IL1RAPL2: variants seen among roughly 807,000 people sequenced by gnomAD.
IL1RAPL2 encodes interleukin 1 receptor accessory protein like 2.
Under a neutral mutation model 44.1 loss-of-function variants are expected in IL1RAPL2, and 3 were observed. That is an observed-to-expected ratio of 0.07 (90% CI 0.03 to 0.18). The LOEUF (loss-of-function observed/expected upper bound fraction) is 0.18, where lower values mean the gene tolerates loss of function less well. Among genes scored for constraint, IL1RAPL2 ranks in the 10% least tolerant of loss-of-function variants. The pLI is 1.00. For missense variants in IL1RAPL2, 391 were observed against 496.4 expected (o/e 0.79, Z 2.02); for synonymous variants, 181 against 178.8 (o/e 1.01, Z -0.10).
chrX:104,793,193 T>C (rs903340565), intron 2 of IL1RAPL2, among the ~76,000 whole-genome samples: 1 of 112,146 alleles, frequency 8.9e-6, no homozygotes, highest in Non-Finnish European at 1.9e-5. Context: ...TTTTCATATT[T>C]CAATTTGATT....
intron 2 of IL1RAPL2, among the ~76,000 whole-genome samples, chrX:104,922,201 T>C (rs1465475885): frequency 8.9e-6 from 1 of 112,275 alleles, no homozygotes; most frequent in Non-Finnish European, 1.9e-5. Flanking sequence ...ACCCTAGTAC[T>C]TCCCCCATCA....
At chrX:104,790,635 T>C (rs762724025) in intron 2 of IL1RAPL2, among the ~76,000 whole-genome samples, 1 of 110,834 alleles carries the variant, frequency 9.0e-6, no homozygotes, top group Non-Finnish European at 1.9e-5. Flanking sequence ...AAAAGTAATA[T>C]GTGTTCACTC....
intron 2 of IL1RAPL2, among the ~76,000 whole-genome samples, chrX:104,827,713 A>T (rs1197147728): frequency 8.9e-6 from 1 of 111,897 alleles, no homozygotes; most frequent in East Asian, 2.8e-4. Context: ...AATATCCTGA[A>T]GTGTGTTTTC....
chrX:105,023,546 G>T (rs754725660), intron 2 of IL1RAPL2, among the ~76,000 whole-genome samples: 7 of 111,522 alleles, frequency 6.3e-5, no homozygotes, highest in Non-Finnish European at 1.3e-4. Flanking sequence ...ACCTAGAACA[G>T]TGTCCAACAC....
intron 2 of IL1RAPL2, among the ~76,000 whole-genome samples, chrX:105,144,575 A>C (rs1321865698): frequency 1.8e-5 from 2 of 111,232 alleles, no homozygotes; most frequent in Non-Finnish European, 3.8e-5. Context: ...ACTATCACTC[A>C]CCATCTTCTT....
At chrX:105,324,409 G>T (rs1235125832) in intron 5 of IL1RAPL2, among the ~76,000 whole-genome samples, 1 of 111,539 alleles carries the variant, frequency 9.0e-6, no homozygotes, top group African/African-American at 3.3e-5. Flanking sequence ...TCATGGCCCA[G>T]TTTAAATGTC....
At chrX:105,393,850 C>T (rs746609277) in intron 5 of IL1RAPL2, among the ~76,000 whole-genome samples, 1 of 111,905 alleles carries the variant, frequency 8.9e-6, no homozygotes, top group Admixed American at 9.5e-5. Flanking sequence ...ATTTAATGTA[C>T]ATGACTACAC....
chrX:105,150,917 A>G (rs908160799), intron 2 of IL1RAPL2, among the ~76,000 whole-genome samples: 1 of 112,164 alleles, frequency 8.9e-6, no homozygotes, highest in African/African-American at 3.2e-5. Flanking sequence ...TTTGTGGAGA[A>G]ATAGAGGAAA....
intron 2 of IL1RAPL2, among the ~76,000 whole-genome samples, chrX:104,764,397 T>C (rs749574646): frequency 1.8e-5 from 2 of 112,416 alleles, no homozygotes; most frequent in East Asian, 2.8e-4. Flanking sequence ...TTTTTGTATA[T>C]TGATTTTGTA....
chrX:105,004,098 A>G (rs1466113418), intron 2 of IL1RAPL2, among the ~76,000 whole-genome samples: 3 of 110,903 alleles, frequency 2.7e-5, no homozygotes, highest in Non-Finnish European at 5.7e-5. Context: ...AGATGTTTAT[A>G]GTTCCAGATC....
chrX:105,391,125 C>T (rs993481867), intron 5 of IL1RAPL2, among the ~76,000 whole-genome samples: 39 of 111,427 alleles, frequency 3.5e-4, no homozygotes, highest in African/African-American at 1.1e-3. Context: ...ATATTTTGTT[C>T]GTTTATTTCA....
chrX:104,619,090 G>C (rs1929334567), intron 1 of IL1RAPL2, among the ~76,000 whole-genome samples: 2 of 111,792 alleles, frequency 1.8e-5, no homozygotes, highest in South Asian at 7.5e-4. Context: ...GAGGAGAGCA[G>C]AATTCCAGTG....
At chrX:105,538,670 T>C (rs1360151078) in intron 6 of IL1RAPL2, among the ~76,000 whole-genome samples, 1 of 111,506 alleles carries the variant, frequency 9.0e-6, no homozygotes, top group Non-Finnish European at 1.9e-5. Context: ...ACAACTTCCA[T>C]GATGGGAAGT....
chrX:105,581,921 T>C (rs930613924), intron 6 of IL1RAPL2, among the ~76,000 whole-genome samples: 2 of 111,590 alleles, frequency 1.8e-5, no homozygotes, highest in African/African-American at 6.5e-5. Context: ...AGATTTAGTT[T>C]GATAGGATGA....
At chrX:104,997,188 G>A (rs368240200) in intron 2 of IL1RAPL2, among the ~76,000 whole-genome samples, 5 of 111,558 alleles carry the variant, frequency 4.5e-5, no homozygotes, top group African/African-American at 1.6e-4. Context: ...TTTAATATGT[G>A]GCTAGTCAAA....
chrX:104,825,116 G>A (rs891083341), intron 2 of IL1RAPL2, among the ~76,000 whole-genome samples: 3 of 111,554 alleles, frequency 2.7e-5, no homozygotes, highest in Admixed American at 1.9e-4. Flanking sequence ...GGAAAGTATA[G>A]TCTAATTAAA....
chrX:105,191,867 G>C (rs1026859424), intron 2 of IL1RAPL2, among the ~76,000 whole-genome samples: 1 of 111,825 alleles, frequency 8.9e-6, no homozygotes, highest in Non-Finnish European at 1.9e-5. Flanking sequence ...TTCCTTCAAT[G>C]CCTCCATTCA....
chrX:104,987,778 G>A (rs918626106), intron 2 of IL1RAPL2, among the ~76,000 whole-genome samples: 1 of 111,027 alleles, frequency 9.0e-6, no homozygotes, highest in African/African-American at 3.3e-5. Flanking sequence ...CTTTGTGACA[G>A]CAAATACAAA....
intron 2 of IL1RAPL2, among the ~76,000 whole-genome samples, chrX:104,949,707 G>C (rs1463198191): frequency 5.4e-5 from 6 of 110,893 alleles, no homozygotes; most frequent in Non-Finnish European, 1.1e-4. Flanking sequence ...AGGTTGTTCA[G>C]TTTCCATGTA....
Sources: allele counts gnomAD v4.1 joint callset (sites outside exome capture counted in the v4.1 genomes callset), GRCh38; gene constraint gnomAD v4.1.1; transcripts MANE v1.5; gene names NCBI Gene and HGNC (gene_info 2026-07-23, HGNC 2026-07-21).